MOBP: variants seen among roughly 807,000 people sequenced by gnomAD.
MOBP encodes myelin associated oligodendrocyte basic protein.
A neutral mutation model predicts 15.0 loss-of-function variants in MOBP; 5 were observed. That is an observed-to-expected ratio of 0.33 (90% CI 0.17 to 0.70). The LOEUF (loss-of-function observed/expected upper bound fraction) is 0.70, where lower values mean the gene tolerates loss of function less well. Among genes scored for constraint, MOBP ranks in the 30% least tolerant of loss-of-function variants. The probability of loss-of-function intolerance (pLI) is 0.67; values close to 1 mark genes in which losing one functional copy is unlikely to be tolerated. For synonymous variants in MOBP, 88 were observed against 99.0 expected, an observed-to-expected ratio of 0.89 and a Z score of 0.66; for missense variants, 188 against 257.8, an observed-to-expected ratio of 0.73 and a Z score of 1.85.
At chr3:39,484,687 T>C (rs1251373089) in intron 2 of MOBP, among the ~76,000 whole-genome samples, 1 of 152,208 alleles carries the variant, frequency 6.6e-6, no homozygotes, top group Non-Finnish European at 1.5e-5. Context: ...CTACTGCACT[T>C]CTTGAATGTT....
At position 39,502,997 on chromosome 3, in the gene MOBP, G is replaced by C. The variant is rs2042997921; in HGVS notation, c.*117G>C. On this transcript the variant is annotated 3_prime_UTR_variant, in exon 4 of 4. Coordinates refer to ENST00000684792, the MANE Select transcript of MOBP (RefSeq NM_001393704.1). The surrounding 1 kb of genome is among the most constrained non-coding windows in gnomAD (Gnocchi z 6.3). ...CCTTATTACCCAACCTGTGTAATCA[G>C]CTCCCTCCATTAAATCCCCTCTGTT... 1.7e-6 allele frequency: 1 copy of C among 585,910 alleles called. No individual in the cohort carries two copies. Among genetic ancestry groups the C allele is most frequent in the East Asian group, 3.0e-5 (1 of 33,758 alleles). 36.3% of individuals were successfully genotyped at this position (585,910 alleles called of 1,614,324 possible).
chr3:39,502,810 G>C lies in MOBP; in HGVS notation c.482G>C (p.Arg161Pro). 1 of 1,533,060 alleles carries C rather than the reference G, an allele frequency of 6.5e-7. No homozygotes were observed. The highest frequency in any genetic ancestry group is 1.2e-5 in the South Asian group (1 of 83,760). The allele number at this position is 1,533,060 out of a possible 1,614,324, so 95.0% of individuals were successfully genotyped here. Residue 161 changes from arginine (R) to proline (P), a missense_variant, in exon 4 of 4, where the codon CGC (arginine) becomes CCC (proline). Arg to Pro is a moderately radical substitution (Grantham distance 103, BLOSUM62 -2). Transcript: ENST00000684792. The surrounding 1 kb of genome is among the most constrained non-coding windows in gnomAD (Gnocchi z 6.3). ...RPPQKSKQQPRSSPLRGPGAS... is the reference protein window; with the variant it reads ...RPPQKSKQQPPSSPLRGPGAS... ...CCTCAGAAGTCCAAGCAACAGCCGCGCAGCAGCCCCCTCAGAGGGCCAGGC... is the reference window on the plus strand; with the variant it reads ...CCTCAGAAGTCCAAGCAACAGCCGCCCAGCAGCCCCCTCAGAGGGCCAGGC...
chr3:39,481,964 C>T (rs1412160813), intron 2 of MOBP, among the ~76,000 whole-genome samples: 1 of 152,224 alleles, frequency 6.6e-6, no homozygotes, highest in East Asian at 1.9e-4. Context: ...CTTCCACTCT[C>T]ATGGCTTCAA....
intron 2 of MOBP, among the ~76,000 whole-genome samples, chr3:39,486,120 C>G (rs551735826): frequency 1.3e-5 from 2 of 152,126 alleles, no homozygotes; most frequent in East Asian, 3.9e-4. Context: ...TCCTCCTGTT[C>G]AAGTTTGTTG....
At chr3:39,517,530 T>C (rs929943845), downstream of MOBP, among the ~76,000 whole-genome samples, 2 of 152,230 alleles carry the variant, frequency 1.3e-5, no homozygotes, top group Non-Finnish European at 2.9e-5. Flanking sequence ...TCTGACTTCA[T>C]ATAGATAAAG....
intron 4 of MOBP, among the ~76,000 whole-genome samples, chr3:39,512,754 C>T (rs1054318543): frequency 6.6e-6 from 1 of 152,144 alleles, no homozygotes; most frequent in Admixed American, 6.5e-5. Flanking sequence ...TGATGATGCA[C>T]TGAAACTATT....
chr3:39,468,439 A>G (rs2125614294), intron 1 of MOBP, among the ~76,000 whole-genome samples: 1 of 152,294 alleles, frequency 6.6e-6, no homozygotes, highest in African/African-American at 2.4e-5. Context: ...TTGTGAATAA[A>G]TCAGGGAGGC....
At chr3:39,473,388 G>C (rs1221139080) in intron 1 of MOBP, among the ~76,000 whole-genome samples, 1 of 152,194 alleles carries the variant, frequency 6.6e-6, no homozygotes, top group East Asian at 1.9e-4. Context: ...GAGTCAGAAG[G>C]AGTGAGGGTG....
exon 5 of MOBP, chr3:39,524,670 T>G (rs763885115): frequency 2.6e-5 from 4 of 152,176 alleles, no homozygotes; most frequent in African/African-American, 4.8e-5. Flanking sequence ...CAACCTGTGA[T>G]CAAGCAATAA....
intron 2 of MOBP, among the ~76,000 whole-genome samples, chr3:39,497,046 G>A (rs922980320): frequency 2.0e-5 from 3 of 152,104 alleles, no homozygotes; most frequent in African/African-American, 7.2e-5. Flanking sequence ...CAAGTAATCT[G>A]TCTGCCTCGG....
At chr3:39,512,306 A>G (rs1298270348) in intron 4 of MOBP, among the ~76,000 whole-genome samples, 1 of 152,152 alleles carries the variant, frequency 6.6e-6, no homozygotes, top group Non-Finnish European at 1.5e-5. Context: ...CCTCCGTGCT[A>G]GTCTCAGCAC....
intron 3 of MOBP, among the ~76,000 whole-genome samples, chr3:39,521,290 A>T (rs1236407024): frequency 1.3e-5 from 2 of 152,182 alleles, no homozygotes; most frequent in Non-Finnish European, 2.9e-5. Flanking sequence ...CACCATTAGG[A>T]TAGAACTAAT....
downstream of MOBP, chr3:39,526,567 C>G (rs1575327951): frequency 6.6e-6 from 1 of 152,094 alleles, no homozygotes; most frequent in African/African-American, 2.4e-5. Flanking sequence ...GAATTCTCAA[C>G]CATAATATCT....
At position 39,522,213 on chromosome 3, in the gene MOBP, A is replaced by G. The variant is rs558472446; in HGVS notation, c.*259-2030A>G. ...TCTCTAAGCTTCATTTTACAAGTGA[A>G]GACAAATTAAAAACAAACACATTAA... is the stretch of plus-strand genomic sequence containing the variant. On this transcript the variant is annotated intron_variant and NMD_transcript_variant, in intron 3 of 4. Coordinates refer to the MOBP transcript ENST00000424090. Among the ~76,000 whole-genome samples the G allele has an allele frequency of 2.0e-5, 3 of 152,386 alleles. No homozygotes were observed. In the East Asian group the frequency reaches 5.8e-4, roughly 29 times the overall value.
At chr3:39,519,897 T>A (rs902463964), downstream of MOBP, among the ~76,000 whole-genome samples, 7 of 151,590 alleles carry the variant, frequency 4.6e-5, no homozygotes, top group Non-Finnish European at 8.8e-5. Flanking sequence ...TTTCTCTTCT[T>A]CTAACTCCTA....
chr3:39,505,906 G>A (rs965086037), downstream of MOBP, among the ~76,000 whole-genome samples: 1 of 152,152 alleles, frequency 6.6e-6, no homozygotes, highest in African/African-American at 2.4e-5. Flanking sequence ...CTGGTGGGTT[G>A]GTGCCACCAC....
At chr3:39,526,914 T>A (rs1316148510), downstream of MOBP, 1 of 152,012 alleles carries the variant, frequency 6.6e-6, no homozygotes, top group East Asian at 1.9e-4. Context: ...GTAGCTGGGA[T>A]TACAGGTGCC....
chr3:39,491,760 C>G (rs963591415), intron 2 of MOBP, among the ~76,000 whole-genome samples: 7 of 151,954 alleles, frequency 4.6e-5, no homozygotes, highest in Middle Eastern at 3.4e-3. Context: ...GTTTTTCTAG[C>G]CAAAAGAATA....
intron 2 of MOBP, among the ~76,000 whole-genome samples, chr3:39,494,611 A>G (rs1490930807): frequency 6.6e-6 from 1 of 152,186 alleles, no homozygotes; most frequent in Non-Finnish European, 1.5e-5. Flanking sequence ...ATGCTTAAGT[A>G]TCATCAGAGA....
Sources: allele counts gnomAD v4.1 joint callset (sites outside exome capture counted in the v4.1 genomes callset), GRCh38; gene constraint gnomAD v4.1.1; non-coding constraint Gnocchi (gnomAD v3.1); transcripts MANE v1.5; gene names NCBI Gene and HGNC (gene_info 2026-07-23, HGNC 2026-07-21).